Variants in ARHGAP20 observed in about 807,000 individuals in gnomAD.
ARHGAP20 encodes the protein rho GTPase-activating protein 20.
ARHGAP20 carries 34 observed loss-of-function variants against 73.7 expected under a neutral mutation model. The ratio of observed to expected loss-of-function variants is 0.46; its 90% CI spans 0.35 to 0.61. The LOEUF is 0.61. Among genes scored for constraint, ARHGAP20 ranks in the 20% least tolerant of loss-of-function variants. ARHGAP20 has a pLI of 0.00. For synonymous variants in ARHGAP20, 523 were observed against 518.2 expected, an observed-to-expected ratio of 1.01 and a Z score of -0.13; for missense variants, 1,314 against 1,420.9, an observed-to-expected ratio of 0.92 and a Z score of 1.21.
intron 2 of ARHGAP20, among the ~76,000 whole-genome samples, chr11:110,671,547 G>A (rs1479229393): frequency 6.6e-6 from 1 of 152,058 alleles, no homozygotes; most frequent in Non-Finnish European, 1.5e-5. Flanking sequence ...AGTGGAAGAA[G>A]TAAAACCATT....
At chr11:110,694,531 T>C (rs1374875814) in intron 1 of ARHGAP20, among the ~76,000 whole-genome samples, 1 of 151,734 alleles carries the variant, frequency 6.6e-6, no homozygotes, top group East Asian at 1.9e-4. Flanking sequence ...TACATTTAAA[T>C]AATAACACAA....
Position 110,611,331 on chromosome 11 carries a change from G to T in ARHGAP20, c.686C>A (p.Ser229Ter). Residue 229 changes from serine (S) to a stop codon, truncating the protein, a stop_gained, in exon 7 of 15, where the codon TCA (serine) becomes TAA (stop). Transcript: ENST00000683387. LOFTEE classifies it high-confidence loss of function. ...TACAGTTATCCCTAGCATTGGTAAT[G>T]ACATGTTGATAACTTCATTCGCTGT... The part of the protein sequence containing the change: ...SDTANEVINM[S>*]LPMLGITGSE... 6.4e-7 allele frequency: 1 copy of T among 1,567,102 alleles called. No individual in the cohort carries two copies. The highest frequency in any genetic ancestry group is 1.2e-5 in the South Asian group (1 of 84,058).
chr11:110,601,631 TA>T (rs1351731209), intron 9 of ARHGAP20, among the ~76,000 whole-genome samples: 1 of 152,160 alleles, frequency 6.6e-6, no homozygotes, highest in African/African-American at 2.4e-5. Context: ...TTTATATTTT[TA>T]AAAAGTTGAA....
intron 2 of ARHGAP20, among the ~76,000 whole-genome samples, chr11:110,676,346 G>C (rs1024192933): frequency 5.9e-5 from 9 of 152,190 alleles, no homozygotes; most frequent in Non-Finnish European, 7.3e-5. Flanking sequence ...AAAGGAAAGA[G>C]GTTTAATTGC....
chr11:110,652,383 C>T (rs1011185463), intron 2 of ARHGAP20, among the ~76,000 whole-genome samples: 31 of 151,894 alleles, frequency 2.0e-4, no homozygotes, highest in Admixed American at 2.0e-3. Flanking sequence ...GAAGTTCTGG[C>T]CAGGGTGATC....
intron 4 of ARHGAP20, among the ~76,000 whole-genome samples, chr11:110,620,225 C>A (rs1948599811): frequency 6.6e-6 from 1 of 151,998 alleles, no homozygotes. Flanking sequence ...GAGATGGGGT[C>A]TATGTTGCCC....
rs147511527 is a variant in ARHGAP20 at position 110,581,295 on chromosome 11, A to AAACTATGGTGCTTAGCTG, written c.1721-71_1721-70insCAGCTAAGCACCATAGTT. On this transcript the variant is annotated intron_variant, in intron 14 of 14. Transcript: ENST00000683387. ...AATATACTCATGCTTCCTTAAGAAC[A>AAACTATGGTGCTTAGCTG]AATTCTCTTTTCATGTGAAGTGTTC... The AAACTATGGTGCTTAGCTG allele has an allele frequency of 0.01, 14,998 of 1,437,938 alleles. 884 individuals are homozygous for AAACTATGGTGCTTAGCTG. The African/African-American group carries it at 0.15, about 14-fold the overall frequency. 89.1% of individuals were successfully genotyped at this position (1,437,938 alleles called of 1,614,324 possible). A position where few individuals can be genotyped will look rare whatever the true frequency, so the allele number is the denominator to read the frequency against.
chr11:110,690,986 T>C, intron 1 of ARHGAP20: 7 of 1,525,086 alleles, frequency 4.6e-6, no homozygotes, highest in Non-Finnish European at 6.1e-6. Context: ...TTTATTATAA[T>C]CCAAAATGTC....
intron 1 of ARHGAP20, 95 bp from the exon 2 acceptor site, chr11:110,690,724 G>T: frequency 1.7e-6 from 2 of 1,199,334 alleles, no homozygotes; most frequent in Non-Finnish European, 2.4e-6. Context: ...GTTTTGCATT[G>T]CCTATCTTTG....
In ARHGAP20 at chr11:110,579,008, T is replaced by A. The variant is rs899523595; in HGVS notation, c.*362A>T. The A allele has an allele frequency of 3.0e-6, 3 of 997,902 alleles. No individual in the cohort carries two copies. Among genetic ancestry groups the A allele is most frequent in the Non-Finnish European group, 3.6e-6 (3 of 836,590 alleles). The allele number at this position is 997,902 out of a possible 1,614,324, so 61.8% of individuals were successfully genotyped here. On this transcript the variant is annotated 3_prime_UTR_variant, in exon 15 of 15. Coordinates refer to ENST00000683387, the MANE Select transcript of ARHGAP20 (RefSeq NM_001384657.1). The stretch of plus-strand genomic sequence containing the variant: ...CTTCCCCTCTCTCCTCAGGCCCCTA[T>A]TCCTCATTCCTGATATCTTGGTCTT...
Position 110,590,808 on chromosome 11 carries a change from T to C in ARHGAP20, c.1145A>G (p.Asp382Gly), listed in dbSNP as rs1947807074. 2 of 1,611,294 alleles carry C rather than the reference T, an allele frequency of 1.2e-6. No homozygotes were observed. Among genetic ancestry groups the C allele is most frequent in the Admixed American group, 1.7e-5 (1 of 59,454 alleles). Residue 382 changes from aspartate (D) to glycine (G), a missense_variant and splice_region_variant, in exon 11 of 15, where the codon GAT becomes GGT. This residue lies in a region of ARHGAP20 where 443 missense variants were observed against 466.4 expected (regional missense o/e 0.95). Coordinates refer to ENST00000683387, the MANE Select transcript of ARHGAP20 (RefSeq NM_001384657.1). ...ENDNLPKPVL[D>G]MLFFLNQKGP... ...TTTTTGATTAAGAAAGAAAAGCATATCCTATGGGGAAGCAAAGGAAAATAA... is the reference window on the plus strand; with the variant it reads ...TTTTTGATTAAGAAAGAAAAGCATACCCTATGGGGAAGCAAAGGAAAATAA...
chr11:110,647,509 T>C (rs1371701546), intron 2 of ARHGAP20, among the ~76,000 whole-genome samples: 1 of 152,098 alleles, frequency 6.6e-6, no homozygotes, highest in East Asian at 1.9e-4. Flanking sequence ...AGGTCTCCAG[T>C]GACCAAGAGA....
chr11:110,605,108 A>G (rs1948193330), intron 9 of ARHGAP20, among the ~76,000 whole-genome samples: 1 of 152,204 alleles, frequency 6.6e-6, no homozygotes, highest in African/African-American at 2.4e-5. Context: ...GGTCAAAGAA[A>G]CAGAAGTTTT....
In ARHGAP20 at chr11:110,577,128, C is replaced by CAACTT; in HGVS notation, c.*2237_*2241dup. 6.5e-7 allele frequency: 1 copy of CAACTT among 1,534,546 alleles called. No homozygotes were observed. The highest frequency in any genetic ancestry group is 1.2e-5 in the South Asian group (1 of 83,756). ...CATTATCAGTGCCTTGAAAACCAAACAACTTTAAAAGTTAGCAGCAGTTTC... is the reference window on the plus strand; with the variant it reads ...CATTATCAGTGCCTTGAAAACCAAACAACTTAACTTTAAAAGTTAGCAGCAGTTTC... On this transcript the variant is annotated 3_prime_UTR_variant, in exon 15 of 15. Transcript: ENST00000683387.
chr11:110,710,171 A>C (rs1950620210), intron 1 of ARHGAP20, among the ~76,000 whole-genome samples: 1 of 152,220 alleles, frequency 6.6e-6, no homozygotes, highest in Non-Finnish European at 1.5e-5. Flanking sequence ...ACATTTATTA[A>C]ATGTCTATTA....
chr11:110,650,980 C>T (rs1011135688), intron 2 of ARHGAP20, among the ~76,000 whole-genome samples: 27 of 152,246 alleles, frequency 1.8e-4, no homozygotes, highest in African/African-American at 6.3e-4. Flanking sequence ...AAATTGATCA[C>T]ATAATTGGAA....
rs1460298432 is a variant in ARHGAP20 at position 110,579,672 on chromosome 11, C to G, written c.3274G>C (p.Asp1092His). ...CCTTCAGCTGCCCTTAAGGGCAAGT[C>G]TTTTTGTTCCTCTTGCAGTGAGTTG... The part of the protein sequence containing the change: ...EANSLQEEQK[D>H]LPLRAAEGLS... Residue 1092 changes from aspartate to histidine, a missense_variant, in exon 15 of 15, where the codon GAC becomes CAC. Asp to His is a moderately conservative substitution (Grantham distance 81). This residue lies in a region of ARHGAP20 where 641 missense variants were observed against 636.9 expected (regional missense o/e 1.01). Transcript: ENST00000683387. The G allele has an allele frequency of 6.2e-7, 1 of 1,614,202 alleles. No homozygotes were observed. Among genetic ancestry groups the G allele is most frequent in the Admixed American group, 1.7e-5 (1 of 60,030 alleles).
intron 2 of ARHGAP20, among the ~76,000 whole-genome samples, chr11:110,676,494 T>C (rs1949932459): frequency 6.6e-6 from 1 of 152,088 alleles, no homozygotes; most frequent in Non-Finnish European, 1.5e-5. Context: ...TATGAAACCA[T>C]CAGATCTCAT....
At position 110,580,022 on chromosome 11, in the gene ARHGAP20, A is replaced by G. The variant is rs757376519; in HGVS notation, c.2924T>C (p.Ile975Thr). ...VFTPTETSSP[I>T]DCTFQAQRKR... is the part of the protein sequence containing the mutation. ...TCTCTGAGCCTGAAAAGTGCAATCT[A>G]TTGGAGAGGAAGTCTCAGTGGGTGT... The change falls in exon 15 of 15, where the codon ATA becomes ACA. Residue 975 changes from isoleucine (I) to threonine (T), a missense_variant. By Grantham distance (89) the Ile-to-Thr change is moderately conservative. This residue lies in a region of ARHGAP20 where 641 missense variants were observed against 636.9 expected (regional missense o/e 1.01). Coordinates refer to ENST00000683387, the MANE Select transcript of ARHGAP20 (RefSeq NM_001384657.1). The G allele has an allele frequency of 3.1e-6, 5 of 1,614,214 alleles. No individual in the cohort carries two copies. Among genetic ancestry groups the G allele is most frequent in the South Asian group, 2.2e-5 (2 of 91,086 alleles).
Sources: gnomAD v4.1 joint callset for allele counts (sites outside exome capture counted in the v4.1 genomes callset) on GRCh38, gnomAD v4.1.1 for gene constraint, gnomAD v4.1.1 regional missense constraint, MANE v1.5 for transcripts, NCBI Gene and HGNC (gene_info 2026-07-23, HGNC 2026-07-21) for gene names.